KIF26B: variants seen among roughly 807,000 people sequenced by gnomAD.
KIF26B encodes kinesin-like protein KIF26B.
In KIF26B, 63 loss-of-function variants were observed where a neutral mutation model predicts 151.2. That is an observed-to-expected ratio of 0.42 (90% CI 0.34 to 0.51). The LOEUF is 0.51. KIF26B is among the 20% of genes least tolerant of loss of function. The probability of loss-of-function intolerance (pLI) is 0.07; values close to 1 mark genes in which losing one functional copy is unlikely to be tolerated. For synonymous variants in KIF26B, 1,357 were observed against 1,262.1 expected (o/e 1.08, Z -1.59); for missense variants, 2,813 against 2,913.6 (o/e 0.97, Z 0.79).
At chr1:245,587,917 AT>A (rs905304705) in intron 5 of KIF26B, among the ~76,000 whole-genome samples, 21 of 152,226 alleles carry the variant, frequency 1.4e-4, no homozygotes, top group African/African-American at 5.1e-4. Context: ...GCTGCAAAGC[AT>A]CCGTCCCAGC....
At chr1:245,615,880 T>G (rs2043584975) in intron 9 of KIF26B, among the ~76,000 whole-genome samples, 1 of 152,196 alleles carries the variant, frequency 6.6e-6, no homozygotes, top group South Asian at 2.1e-4. Context: ...ATGAGGAGAT[T>G]TGGAGGGTTG....
At chr1:245,492,309 T>C (rs1429808401) in intron 4 of KIF26B, among the ~76,000 whole-genome samples, 2 of 152,212 alleles carry the variant, frequency 1.3e-5, no homozygotes, top group Non-Finnish European at 2.9e-5. Flanking sequence ...GTTGAAGCAG[T>C]CTCAGGTTCT....
At position 245,686,651 on chromosome 1, in the gene KIF26B, C is replaced by T; in HGVS notation, c.3668C>T (p.Ala1223Val). ...FNSDCSARAL[A>V]SGSRPVSIIS... ...AGCGACTGCTCTGCACGGGCCCTGG[C>T]CTCGGGCTCGCGGCCCGTCAGCATC... The change falls in exon 12 of 15, where the codon GCC becomes GTC. Residue 1223 changes from alanine to valine, a missense_variant. Transcript: ENST00000407071. The surrounding 1 kb of genome is among the most constrained non-coding windows in gnomAD (Gnocchi z 5.6). 1.9e-6 allele frequency: 3 copies of T among 1,611,090 alleles called. No individual in the cohort carries two copies. The highest frequency in any genetic ancestry group is 1.7e-6 in the Non-Finnish European group (2 of 1,178,936).
intron 2 of KIF26B, among the ~76,000 whole-genome samples, chr1:245,299,326 T>G (rs562984078): frequency 0.034 from 5,094 of 149,308 alleles, 113 homozygotes; most frequent in Middle Eastern, 0.062. Context: ...CTGGGTTTTT[T>G]TTTTTTTTTT....
chr1:245,224,123 A>G (rs1669828264), intron 2 of KIF26B, among the ~76,000 whole-genome samples: 1 of 152,076 alleles, frequency 6.6e-6, no homozygotes, highest in South Asian at 2.1e-4. Flanking sequence ...TGTCTCTACT[A>G]AAAATACAAA....
intron 10 of KIF26B, among the ~76,000 whole-genome samples, chr1:245,668,402 A>G (rs1338568284): frequency 6.6e-6 from 1 of 152,146 alleles, no homozygotes; most frequent in East Asian, 1.9e-4. Context: ...AACATCACTA[A>G]AAAACTCTAA....
chr1:245,305,936 CAAAAAA>C (rs55865379), intron 2 of KIF26B, among the ~76,000 whole-genome samples: 43 of 86,690 alleles, frequency 5.0e-4, no homozygotes, highest in African/African-American at 1.8e-3. Flanking sequence ...GACGACTCCT[CAAAAAA>C]AAAAAAAAAA....
intron 5 of KIF26B, among the ~76,000 whole-genome samples, chr1:245,592,043 G>A (rs1312336632): frequency 6.6e-6 from 1 of 152,108 alleles, no homozygotes; most frequent in Non-Finnish European, 1.5e-5. Context: ...TTCCCCCTCC[G>A]CTCCCCGAAG....
At chr1:245,665,723 T>G (rs201956917) in intron 10 of KIF26B, among the ~76,000 whole-genome samples, 1 of 94 alleles carries the variant, frequency 0.011, no homozygotes, top group Non-Finnish European at 0.019. Context: ...TTATTTTTTA[T>G]TTTTTTTGAG....
At chr1:245,351,495 T>TTAAACA (rs1279428380) in intron 2 of KIF26B, among the ~76,000 whole-genome samples, 1 of 152,226 alleles carries the variant, frequency 6.6e-6, no homozygotes, top group Non-Finnish European at 1.5e-5. Flanking sequence ...TTTTCACGTG[T>TTAAACA]TAAACATAGG....
Position 245,688,804 on chromosome 1 carries a change from C to G in KIF26B, c.5821C>G (p.Pro1941Ala). The change falls in exon 12 of 15, where the codon CCA (proline) becomes GCA (alanine). Residue 1941 changes from proline (P) to alanine (A), a missense_variant. By Grantham distance (27) the Pro-to-Ala change is conservative (BLOSUM62 -1). This residue lies in a region of KIF26B where 2,060 missense variants were observed against 2,088.6 expected (regional missense o/e 0.99). Transcript: ENST00000407071. ...CAAGACCCCGAAGAAACGCTCCAAT[C>G]CAGGTAGGCGGCTGGGCGCAGGGAC... ...SLKTPKKRSN[P>A]GSQRRRLIPA... The G allele has an allele frequency of 6.4e-7, 1 of 1,572,662 alleles. No individual in the cohort carries two copies. The highest frequency in any genetic ancestry group is 8.6e-7 in the Non-Finnish European group (1 of 1,156,454).
At chr1:245,364,422 C>T (rs1299498682) in intron 2 of KIF26B, among the ~76,000 whole-genome samples, 7 of 98,910 alleles carry the variant, frequency 7.1e-5, no homozygotes, top group African/African-American at 2.7e-4. Context: ...CTCTCTCTCT[C>T]TTTTTTTTTT....
At chr1:245,525,406 G>A (rs907856242) in intron 4 of KIF26B, among the ~76,000 whole-genome samples, 1 of 152,126 alleles carries the variant, frequency 6.6e-6, no homozygotes, top group African/African-American at 2.4e-5. Context: ...GTGATTTGTT[G>A]GACAGGATAG....
intron 2 of KIF26B, among the ~76,000 whole-genome samples, chr1:245,336,203 G>T (rs545710020): frequency 1.8e-4 from 28 of 152,376 alleles, no homozygotes; most frequent in African/African-American, 6.3e-4. Context: ...AGGGATTGCT[G>T]TTCCACTCTG....
Position 245,512,122 on chromosome 1 carries a change from T to C in KIF26B, c.1167-28645T>C, listed in dbSNP as rs993774023. On this transcript the variant is annotated intron_variant, in intron 4 of 14. Coordinates refer to ENST00000407071, the MANE Select transcript of KIF26B (RefSeq NM_018012.4). The surrounding 1 kb of genome is among the most constrained non-coding windows in gnomAD (Gnocchi z 4.3). ...TTTTTAAAAAAAGTCCATACGGTAATGTTAATGCAGCTATTTCTGGCTTCT... is the reference window on the plus strand; with the variant it reads ...TTTTTAAAAAAAGTCCATACGGTAACGTTAATGCAGCTATTTCTGGCTTCT... Among the ~76,000 whole-genome samples the C allele has an allele frequency of 6.6e-6, 1 of 152,216 alleles. No homozygotes were observed. The highest frequency in any genetic ancestry group is 1.5e-5 in the Non-Finnish European group (1 of 68,030).
intron 2 of KIF26B, among the ~76,000 whole-genome samples, chr1:245,292,642 G>A (rs554452878): frequency 2.6e-5 from 4 of 152,318 alleles, no homozygotes; most frequent in Admixed American, 6.5e-5. Flanking sequence ...CTGGTTTTCT[G>A]TGTGACACAG....
chr1:245,688,653 C>T lies in KIF26B; in HGVS notation c.5670C>T (p.Tyr1890=), dbSNP rs1262668229. The T allele has an allele frequency of 5.0e-6, 8 of 1,604,492 alleles. No individual in the cohort carries two copies. Among genetic ancestry groups the T allele is most frequent in the Admixed American group, 3.4e-5 (2 of 59,218 alleles). The part of the protein sequence containing the change: ...PPAMGKTALF[Y]HSGGSSGYES... ...CCATGGGGAAGACGGCCCTGTTCTA[C>T]CACAGCGGCGGCAGCAGCGGCTACG... The change falls in exon 12 of 15, where the codon TAC becomes TAT. Residue 1890 remains tyrosine (Y), a synonymous_variant. Transcript: ENST00000407071.
rs573447982 is a variant in KIF26B at position 245,707,118 on chromosome 1, A to C, written c.*4512A>C. On this transcript the variant is annotated 3_prime_UTR_variant, in exon 15 of 15. Coordinates refer to ENST00000407071, the MANE Select transcript of KIF26B (RefSeq NM_018012.4). ...TGTCATTTAAGCTCATCTTCTCAAA[A>C]AAATTTTTTCTGAAAATTCCTGGAA... 56 of 152,210 alleles carry C rather than the reference A, an allele frequency of 3.7e-4. No individual in the cohort carries two copies. The highest frequency in any genetic ancestry group is 6.0e-4 in the Non-Finnish European group (41 of 68,036). 9.4% of individuals were successfully genotyped at this position (152,210 alleles called of 1,614,324 possible).
intron 2 of KIF26B, among the ~76,000 whole-genome samples, chr1:245,307,771 C>T (rs1043128075): frequency 1.3e-4 from 20 of 148,436 alleles, no homozygotes; most frequent in African/African-American, 3.2e-4. Context: ...GACGGAGTCT[C>T]GCTCTGTCGC....
Sources: allele counts gnomAD v4.1 joint callset (sites outside exome capture counted in the v4.1 genomes callset), GRCh38; gene constraint gnomAD v4.1.1; regional missense constraint gnomAD v4.1.1; non-coding constraint Gnocchi (gnomAD v3.1); transcripts MANE v1.5; gene names NCBI Gene and HGNC (gene_info 2026-07-23, HGNC 2026-07-21).